The following MID1 variants were observed in gnomAD, a reference collection of about 807,000 sequenced individuals.
MID1 encodes the protein midline 1, also known as E3 ubiquitin-protein ligase Midline-1.
MID1 carries 7 observed loss-of-function variants against 40.4 expected under a neutral mutation model. The observed-to-expected ratio is 0.17, with a 90% confidence interval of 0.10 to 0.33. MID1 has a LOEUF of 0.33. MID1 is among the 10% of genes least tolerant of loss of function. The pLI is 1.00. For missense variants in MID1, 367 were observed against 558.5 expected, an observed-to-expected ratio of 0.66 and a Z score of 3.46; for synonymous variants, 229 against 221.2, an observed-to-expected ratio of 1.04 and a Z score of -0.31.
At chrX:10,664,636 C>T (rs1457538787) in intron 1 of MID1, among the ~76,000 whole-genome samples, 2 of 112,379 alleles carry the variant, frequency 1.8e-5, no homozygotes, top group Non-Finnish European at 3.8e-5. Context: ...CTCGTTGGAT[C>T]ATATGGTAAC....
chrX:10,551,252 G>A (rs977867747), intron 2 of MID1, among the ~76,000 whole-genome samples: 1 of 112,215 alleles, frequency 8.9e-6, no homozygotes, highest in African/African-American at 3.2e-5. Context: ...CAGTCCTCGG[G>A]TGGTAGAATA....
intron 1 of MID1, among the ~76,000 whole-genome samples, chrX:10,798,088 T>C (rs2043979314): frequency 8.9e-6 from 1 of 112,076 alleles, no homozygotes; most frequent in Admixed American, 9.4e-5. Flanking sequence ...GTTGCTGCAT[T>C]TGCAGTGGGG....
At chrX:10,692,398 T>G (rs1160845427) in intron 1 of MID1, among the ~76,000 whole-genome samples, 1 of 111,398 alleles carries the variant, frequency 9.0e-6, no homozygotes, top group Non-Finnish European at 1.9e-5. Context: ...TACTGGGGGC[T>G]GGTTCCCCCG....
intron 1 of MID1, among the ~76,000 whole-genome samples, chrX:10,592,274 T>TAAAAAAAA (rs144661774): frequency 2.8e-4 from 8 of 28,233 alleles, no homozygotes; most frequent in African/African-American, 7.0e-4. Flanking sequence ...GGGACTGCGT[T>TAAAAAAAA]AAAAAAAAAA....
intron 1 of MID1, among the ~76,000 whole-genome samples, chrX:10,696,880 T>C (rs950796258): frequency 8.9e-6 from 1 of 112,026 alleles, no homozygotes; most frequent in Non-Finnish European, 1.9e-5. Context: ...ATCAACAATT[T>C]TCACCCAACT....
chrX:10,631,879 T>C (rs1316923092), intron 1 of MID1, among the ~76,000 whole-genome samples: 1 of 111,815 alleles, frequency 8.9e-6, no homozygotes, highest in African/African-American at 3.3e-5. Flanking sequence ...CTGTAACATA[T>C]TTACCTATGT....
intron 1 of MID1, among the ~76,000 whole-genome samples, chrX:10,610,367 A>T (rs766856326): frequency 5.3e-5 from 6 of 112,266 alleles, no homozygotes; most frequent in Non-Finnish European, 1.1e-4. Context: ...TTCAGTGCAC[A>T]TTGCTTTAAT....
chrX:10,643,183 G>C (rs748062691), intron 1 of MID1, among the ~76,000 whole-genome samples: 315 of 111,175 alleles, frequency 2.8e-3, no homozygotes, highest in Middle Eastern at 0.014. Flanking sequence ...TTAAACTAAA[G>C]AGCTTCTGCA....
At position 10,641,272 on chromosome X, in the gene MID1, G is replaced by A. The variant is rs749423601; in HGVS notation, c.-186-20853C>T. ...GATCAACAAAATTGATAGACTGCTA[G>A]CAAGATTAATAAAGAAGAAAAGAGA... On this transcript the variant is annotated intron_variant, in intron 1 of 10. Transcript: ENST00000380785. Among the ~76,000 whole-genome samples the A allele has an allele frequency of 4.5e-5, 5 of 111,598 alleles. No individual in the cohort carries two copies. The East Asian group carries it at 1.4e-3, about 31-fold the overall frequency.
intron 1 of MID1, among the ~76,000 whole-genome samples, chrX:10,569,314 T>G (rs1934659238): frequency 8.9e-6 from 1 of 111,894 alleles, no homozygotes; most frequent in Non-Finnish European, 1.9e-5. Flanking sequence ...TCACTAGCAT[T>G]TATTATATAG....
intron 1 of MID1, among the ~76,000 whole-genome samples, chrX:10,769,918 A>G (rs2043754585): frequency 8.9e-6 from 1 of 111,818 alleles, no homozygotes; most frequent in Admixed American, 9.6e-5. Context: ...AGCTGAGATG[A>G]TACTGCTGAG....
chrX:10,627,765 T>G (rs900737652), intron 1 of MID1, among the ~76,000 whole-genome samples: 2 of 112,329 alleles, frequency 1.8e-5, no homozygotes, highest in Non-Finnish European at 3.8e-5. Flanking sequence ...ATCTCTTTTT[T>G]TGTATGTTAG....
Position 10,798,386 on chromosome X carries a change from A to T in MID1, c.-187+35168T>A, listed in dbSNP as rs766577676. Among the ~76,000 whole-genome samples the T allele has an allele frequency of 1.2e-4, 13 of 112,014 alleles. No individual in the cohort carries two copies. In the East Asian group the frequency reaches 3.4e-3, roughly 29 times the overall value. ...TAAGGGTCTGGCAACTGCGTCTGGC[A>T]TGTATTGATGCTCCCCTCCTCTCTC... On this transcript the variant is annotated intron_variant, in intron 1 of 10. Coordinates refer to the MID1 transcript ENST00000380785.
At chrX:10,666,306 C>A (rs2147587624) in intron 1 of MID1, among the ~76,000 whole-genome samples, 1 of 102,931 alleles carries the variant, frequency 9.7e-6, no homozygotes, top group South Asian at 4.6e-4. Flanking sequence ...TGGTAATGCT[C>A]AAATTGAATT....
At chrX:10,800,883 G>T (rs2044001778) in intron 1 of MID1, among the ~76,000 whole-genome samples, 1 of 111,846 alleles carries the variant, frequency 8.9e-6, no homozygotes, top group African/African-American at 3.2e-5. Flanking sequence ...GAAATAATTT[G>T]ATTTAGCCAG....
intron 1 of MID1, among the ~76,000 whole-genome samples, chrX:10,813,142 T>C (rs187530127): frequency 1.3e-4 from 14 of 109,600 alleles, no homozygotes; most frequent in Non-Finnish European, 1.9e-4. Context: ...AGGAAGATGG[T>C]CTAGTTTTGA....
At chrX:10,736,906 T>C (rs1382046715) in intron 1 of MID1, among the ~76,000 whole-genome samples, 1 of 112,194 alleles carries the variant, frequency 8.9e-6, no homozygotes, top group Non-Finnish European at 1.9e-5. Flanking sequence ...TAATTAGATA[T>C]TTATATACAA....
intron 2 of MID1, among the ~76,000 whole-genome samples, chrX:10,552,956 G>T (rs1056586010): frequency 1.8e-5 from 2 of 111,952 alleles, no homozygotes; most frequent in Admixed American, 1.9e-4. Flanking sequence ...ACCTGTCTCA[G>T]ATCTGCTGAA....
At chrX:10,758,619 T>C (rs1427587632) in intron 1 of MID1, among the ~76,000 whole-genome samples, 2 of 106,396 alleles carry the variant, frequency 1.9e-5, no homozygotes, top group African/African-American at 3.5e-5. Context: ...GCCTCCCCAG[T>C]AGCTGGGACT....
Sources: allele counts gnomAD v4.1 joint callset (sites outside exome capture counted in the v4.1 genomes callset), GRCh38; gene constraint gnomAD v4.1.1; transcripts MANE v1.5; gene names NCBI Gene and HGNC (gene_info 2026-07-23, HGNC 2026-07-21).